Variants in HIF1A observed in about 807,000 individuals in gnomAD.
The protein encoded by HIF1A is hypoxia-inducible factor 1-alpha.
In HIF1A, 24 loss-of-function variants were observed where a neutral mutation model predicts 92.7. That is an observed-to-expected ratio of 0.26 (90% CI 0.19 to 0.36). The LOEUF (loss-of-function observed/expected upper bound fraction) is 0.36. HIF1A is among the 10% of genes least tolerant of loss of function. HIF1A has a pLI of 1.00. For missense variants in HIF1A, 799 were observed against 998.5 expected (o/e 0.80, Z 2.69); for synonymous variants, 319 against 338.7 (o/e 0.94, Z 0.64).
At chr14:61,722,391 CT>C (rs142453455) in intron 4 of HIF1A, among the ~76,000 whole-genome samples, 2,622 of 151,972 alleles carry the variant, frequency 0.017, 125 homozygotes, top group East Asian at 0.15. Flanking sequence ...CCCAGGCTAC[CT>C]TTTTTTTCCT....
intron 1 of HIF1A, chr14:61,717,162 G>C (rs2044373069): frequency 6.6e-6 from 1 of 152,174 alleles, no homozygotes; most frequent in Non-Finnish European, 1.5e-5. Context: ...ATTCATCTCT[G>C]TGGGACCTAG....
Position 61,721,758 on chromosome 14 carries a change from G to C in HIF1A, c.392G>C (p.Ser131Thr), listed in dbSNP as rs2044433070. ...TTACAGTTTGAACTAACTGGACACA[G>C]TGTGTTTGATTTTACTCATCCATGT... ...GLTQFELTGHSVFDFTHPCDH... is the reference protein window; with the variant it reads ...GLTQFELTGHTVFDFTHPCDH... Residue 131 changes from serine to threonine, a missense_variant, in exon 4 of 15, where the codon AGT (serine) becomes ACT (threonine). This residue lies in a region of HIF1A where 516 missense variants were observed against 721.0 expected (regional missense o/e 0.72). Coordinates refer to ENST00000337138, the MANE Select transcript of HIF1A (RefSeq NM_001530.4). 2 of 1,613,222 alleles carry C rather than the reference G, an allele frequency of 1.2e-6. No individual in the cohort carries two copies. Among genetic ancestry groups the C allele is most frequent in the Non-Finnish European group, 1.7e-6 (2 of 1,179,476 alleles).
At chr14:61,717,873 T>C (rs1297702524) in intron 1 of HIF1A, among the ~76,000 whole-genome samples, 17 of 148,026 alleles carry the variant, frequency 1.1e-4, no homozygotes, top group African/African-American at 4.4e-4. Flanking sequence ...ATACAAAAAT[T>C]AGCCTGGCAT....
chr14:61,738,492 G>T, intron 10 of HIF1A, 119 bp downstream of exon 10: 1 of 965,104 alleles, frequency 1.0e-6, no homozygotes, highest in Non-Finnish European at 1.5e-6. Flanking sequence ...GTGTGTGTTT[G>T]AATTTTAGCA....
At chr14:61,716,994 CAGA>C (rs1344392537) in intron 1 of HIF1A, 6 of 150,402 alleles carry the variant, frequency 4.0e-5, no homozygotes, top group African/African-American at 1.5e-4. Context: ...AACATATCAG[CAGA>C]AGAACTTCAC....
chr14:61,715,237 G>C (rs1281102150), intron 1 of HIF1A, among the ~76,000 whole-genome samples: 1 of 152,202 alleles, frequency 6.6e-6, no homozygotes, highest in African/African-American at 2.4e-5. Context: ...AGAGCTGCTG[G>C]ACAGTAGAGC....
At chr14:61,730,375 T>A (rs971907188) in intron 6 of HIF1A, among the ~76,000 whole-genome samples, 2 of 152,196 alleles carry the variant, frequency 1.3e-5, no homozygotes, top group African/African-American at 4.8e-5. Context: ...TACCTCAGAT[T>A]GAGAAGCACT....
chr14:61,738,670 G>A (rs1023640682), intron 10 of HIF1A, among the ~76,000 whole-genome samples: 1 of 152,102 alleles, frequency 6.6e-6, no homozygotes. Flanking sequence ...TCTTGAATTT[G>A]GACATTTAAA....
intron 12 of HIF1A, among the ~76,000 whole-genome samples, chr14:61,743,182 G>A (rs1030688318): frequency 9.2e-5 from 14 of 151,960 alleles, no homozygotes; most frequent in Non-Finnish European, 1.9e-4. Context: ...AGCAAATCTC[G>A]TGCCTCAGCC....
Position 61,721,506 on chromosome 14 carries a change from T to A in HIF1A, c.227-3T>A. Reference sequence around the variant, plus strand: ...TATTTTCCTCTTCTTGTGCCCTTTTTAGGTGATTTGGATATTGAAGATGAC... The same window carrying A: ...TATTTTCCTCTTCTTGTGCCCTTTTAAGGTGATTTGGATATTGAAGATGAC... On this transcript the variant is annotated splice_polypyrimidine_tract_variant and splice_region_variant and intron_variant, in intron 2 of 14. Transcript: ENST00000337138. The A allele has an allele frequency of 1.2e-6, 2 of 1,610,386 alleles. No individual in the cohort carries two copies. The highest frequency in any genetic ancestry group is 1.7e-6 in the Non-Finnish European group (2 of 1,177,468).
At chr14:61,702,446 A>G (rs957237949) in intron 1 of HIF1A, among the ~76,000 whole-genome samples, 5 of 151,064 alleles carry the variant, frequency 3.3e-5, no homozygotes, top group African/African-American at 1.2e-4. Context: ...CTCCAAAAAA[A>G]AAAAAAAAAA....
intron 4 of HIF1A, among the ~76,000 whole-genome samples, chr14:61,723,064 A>T (rs2044452950): frequency 6.6e-6 from 1 of 152,230 alleles, no homozygotes; most frequent in South Asian, 2.1e-4. Context: ...GAAAGTTACC[A>T]CAAGGAAAAT....
chr14:61,708,061 T>C (rs561787242), intron 1 of HIF1A, among the ~76,000 whole-genome samples: 2 of 152,362 alleles, frequency 1.3e-5, no homozygotes, highest in East Asian at 1.9e-4. Flanking sequence ...TGGCCAGTGA[T>C]GATGAGCATT....
At position 61,720,543 on chromosome 14, in the gene HIF1A, A is replaced by G; in HGVS notation, c.197A>G (p.Tyr66Cys). The change falls in exon 2 of 15, where the codon TAT becomes TGT. Residue 66 changes from tyrosine to cysteine, a missense_variant. This residue lies in a region of HIF1A where 516 missense variants were observed against 721.0 expected (regional missense o/e 0.72). Coordinates refer to ENST00000337138, the MANE Select transcript of HIF1A (RefSeq NM_001530.4). ...KASVMRLTIS[Y>C]LRVRKLLDAG... ...TCTGTGATGAGGCTTACCATCAGCT[A>G]TTTGCGTGTGAGGAAACTTCTGGAT... The G allele has an allele frequency of 1.2e-6, 2 of 1,606,010 alleles. No individual in the cohort carries two copies. The highest frequency in any genetic ancestry group is 1.7e-6 in the Non-Finnish European group (2 of 1,176,998).
At chr14:61,708,085 T>G (rs927006823) in intron 1 of HIF1A, among the ~76,000 whole-genome samples, 1 of 152,224 alleles carries the variant, frequency 6.6e-6, no homozygotes, top group Non-Finnish European at 1.5e-5. Flanking sequence ...TCATGTGTCT[T>G]TTGGCAGCAT....
chr14:61,742,429 C>T (rs2044723016), intron 12 of HIF1A, among the ~76,000 whole-genome samples: 1 of 152,076 alleles, frequency 6.6e-6, no homozygotes, highest in Non-Finnish European at 1.5e-5. Flanking sequence ...TTGGAAAAGA[C>T]ATTGGGGCTT....
intron 1 of HIF1A, among the ~76,000 whole-genome samples, chr14:61,710,717 T>C (rs1397040489): frequency 6.6e-6 from 1 of 152,084 alleles, no homozygotes; most frequent in East Asian, 1.9e-4. Context: ...CTATTAATAA[T>C]ACTTCCAATA....
At chr14:61,728,526 C>T (rs149622358) in intron 6 of HIF1A, among the ~76,000 whole-genome samples, 67 of 152,344 alleles carry the variant, frequency 4.4e-4, no homozygotes, top group Non-Finnish European at 8.2e-4. Context: ...TGCCTTTCTT[C>T]CTATAATGCT....
In HIF1A at chr14:61,745,811, C is replaced by A; in HGVS notation, c.2323C>A (p.Pro775Thr). 6.2e-7 allele frequency: 1 copy of A among 1,606,958 alleles called. No individual in the cohort carries two copies. The highest frequency in any genetic ancestry group is 8.5e-7 in the Non-Finnish European group (1 of 1,176,290). ...GGAGCAAAAGACAATTATTTTAATA[C>A]CCTCTGGTTAGTTTATTCTTTTTGA... ...GMEQKTIILI[P>T]SDLACRLLGQ... The change falls in exon 14 of 15, where the codon CCC becomes ACC. Residue 775 changes from proline (P) to threonine (T), a missense_variant. Coordinates refer to ENST00000337138, the MANE Select transcript of HIF1A (RefSeq NM_001530.4).
Sources: gnomAD v4.1 joint callset for allele counts (sites outside exome capture counted in the v4.1 genomes callset) on GRCh38, gnomAD v4.1.1 for gene constraint, gnomAD v4.1.1 regional missense constraint, MANE v1.5 for transcripts, NCBI Gene and HGNC (gene_info 2026-07-23, HGNC 2026-07-21) for gene names.